Variants in MAPT observed in about 807,000 individuals in gnomAD.
MAPT encodes the protein microtubule associated protein tau.
Under a neutral mutation model 67.9 loss-of-function variants are expected in MAPT, and 34 were observed. That is an observed-to-expected ratio of 0.50 (90% CI 0.38 to 0.67). The LOEUF (loss-of-function observed/expected upper bound fraction) is 0.67. Ranked by LOEUF, MAPT falls within the 30% of genes least tolerant of loss-of-function variation. The pLI is 0.00. For synonymous variants in MAPT, 456 were observed against 464.5 expected, an observed-to-expected ratio of 0.98 and a Z score of 0.23; for missense variants, 881 against 1,115.2, an observed-to-expected ratio of 0.79 and a Z score of 2.99.
intron 1 of MAPT, among the ~76,000 whole-genome samples, chr17:45,911,708 G>A (rs576141311): frequency 1.4e-4 from 21 of 152,252 alleles, no homozygotes; most frequent in African/African-American, 4.1e-4. Context: ...AGGCTGCAGC[G>A]AGCCATGATG....
chr17:45,998,008 G>A (rs925963877), intron 9 of MAPT, among the ~76,000 whole-genome samples: 5 of 152,178 alleles, frequency 3.3e-5, no homozygotes, highest in African/African-American at 1.2e-4. Flanking sequence ...GAGGCTGGGG[G>A]TGAGAAGGAC....
intron 4 of MAPT, chr17:45,979,690 A>G (rs1308166904): frequency 2.0e-5 from 3 of 152,210 alleles, no homozygotes; most frequent in African/African-American, 7.2e-5. Flanking sequence ...CTTTTAGGTC[A>G]TGTTTTTCAG....
chr17:45,985,612 A>G lies in MAPT; in HGVS notation c.1352-1428A>G, dbSNP rs141357033. 360 of 915,836 alleles carry G rather than the reference A, an allele frequency of 3.9e-4. 1 individual carries two copies. The African/African-American group carries it at 5.7e-3, about 14-fold the overall frequency. 56.7% of individuals were successfully genotyped at this position (915,836 alleles called of 1,614,324 possible). On this transcript the variant is annotated intron_variant, in intron 5 of 12. Coordinates refer to ENST00000262410, the MANE Select transcript of MAPT (RefSeq NM_001377265.1). ...CATTGTGACCCTCTGAGAAGGTCAC[A>G]GAGTGGGTTTCCCAAACTTACTTGA... is the stretch of plus-strand genomic sequence containing the variant.
chr17:45,909,204 G>A (rs535710883), intron 1 of MAPT, among the ~76,000 whole-genome samples: 1 of 151,754 alleles, frequency 6.6e-6, no homozygotes, highest in South Asian at 2.1e-4. Context: ...CCCTGTGCCC[G>A]GGGGACAGAT....
intron 1 of MAPT, among the ~76,000 whole-genome samples, chr17:45,935,829 C>T (rs1349568554): frequency 1.3e-5 from 2 of 152,178 alleles, no homozygotes; most frequent in Non-Finnish European, 1.5e-5. Context: ...TCACCTTCTC[C>T]GCAGAGCCTT....
intron 3 of MAPT, 27 bp from the exon 4 acceptor site, chr17:45,978,348 C>G (rs765813198): frequency 3.8e-6 from 6 of 1,583,182 alleles, no homozygotes; most frequent in African/African-American, 1.3e-5. Flanking sequence ...GCTTTTACCC[C>G]CCTTCATTTG....
chr17:45,941,630 C>T (rs2067887675), intron 1 of MAPT, among the ~76,000 whole-genome samples: 1 of 124,284 alleles, frequency 8.0e-6, no homozygotes, highest in African/African-American at 3.1e-5. Context: ...TTCCCTCCTT[C>T]CCTCTTTCCC....
At chr17:45,967,072 CAAG>C (rs956909139) in intron 2 of MAPT, among the ~76,000 whole-genome samples, 15 of 152,112 alleles carry the variant, frequency 9.9e-5, no homozygotes, top group African/African-American at 3.6e-4. Context: ...TGACAGAAGA[CAAG>C]AAACTACACG....
intron 1 of MAPT, among the ~76,000 whole-genome samples, chr17:45,917,719 C>T (rs1158574453): frequency 6.6e-6 from 1 of 151,620 alleles, no homozygotes; most frequent in Non-Finnish European, 1.5e-5. Context: ...CTGCCAGCCC[C>T]TTTGGTCCAT....
At chr17:45,927,860 A>C (rs112439933) in intron 1 of MAPT, among the ~76,000 whole-genome samples, 21,780 of 151,814 alleles carry the variant, frequency 0.14, 2,135 homozygotes, top group Non-Finnish European at 0.22. Context: ...AGTAGCCGGG[A>C]GTGGTGGCAG....
At chr17:45,924,795 T>C (rs1184559318) in intron 1 of MAPT, among the ~76,000 whole-genome samples, 1 of 152,236 alleles carries the variant, frequency 6.6e-6, no homozygotes, top group Non-Finnish European at 1.5e-5. Flanking sequence ...CATGTCTAGC[T>C]GATCAGCAAG....
At chr17:46,008,957 G>A (rs1449538616) in intron 9 of MAPT, among the ~76,000 whole-genome samples, 1 of 152,204 alleles carries the variant, frequency 6.6e-6, no homozygotes, top group Non-Finnish European at 1.5e-5. Flanking sequence ...ATCGGCTTTG[G>A]GAAGCCGAGG....
At chr17:46,002,770 C>A (rs1037915182) in intron 9 of MAPT, among the ~76,000 whole-genome samples, 5 of 152,090 alleles carry the variant, frequency 3.3e-5, no homozygotes, top group Non-Finnish European at 7.4e-5. Context: ...CTGCTTCCTT[C>A]CCTGTGTGTA....
chr17:45,935,823 C>T (rs62061720), intron 1 of MAPT, among the ~76,000 whole-genome samples: 21,822 of 152,220 alleles, frequency 0.14, 2,142 homozygotes, highest in Middle Eastern at 0.22. Context: ...TCAAGTTCAC[C>T]TTCTCCGCAG....
In MAPT at chr17:45,991,486, C is replaced by A. The variant is rs757701420; in HGVS notation, c.1632C>A (p.Ala544=). The change falls in exon 8 of 13, where the codon GCC becomes GCA. Residue 544 remains alanine (A), a synonymous_variant. Coordinates refer to ENST00000262410, the MANE Select transcript of MAPT (RefSeq NM_001377265.1). ...GGGCTGATGGTAAAACGAAGATCGCCACACCGCGGGGAGCAGCCCCTCCAG... is the reference window on the plus strand; with the variant it reads ...GGGCTGATGGTAAAACGAAGATCGCAACACCGCGGGGAGCAGCCCCTCCAG... ...LKGADGKTKI[A]TPRGAAPPGQ... 16 of 1,614,110 alleles carry A rather than the reference C, an allele frequency of 9.9e-6. No individual in the cohort carries two copies. Among genetic ancestry groups the A allele is most frequent in the Non-Finnish European group, 1.4e-5 (16 of 1,180,040 alleles).
Position 45,983,317 on chromosome 17 carries a change from G to C in MAPT, c.738G>C (p.Ser246=), listed in dbSNP as rs776395109. The C allele has an allele frequency of 3.1e-6, 5 of 1,601,384 alleles. No individual in the cohort carries two copies. Among genetic ancestry groups the C allele is most frequent in the Admixed American group, 3.4e-5 (2 of 58,268 alleles). ...CCAGAGAGGCCACACGCCAACCTTCGGGGACAGGACCTGAGGACACAGAGG... is the reference window on the plus strand; with the variant it reads ...CCAGAGAGGCCACACGCCAACCTTCCGGGACAGGACCTGAGGACACAGAGG... ...EGPREATRQP[S]GTGPEDTEGG... Residue 246 remains serine, a synonymous_variant, in exon 5 of 13, where the codon TCG becomes TCC. Coordinates refer to ENST00000262410, the MANE Select transcript of MAPT (RefSeq NM_001377265.1).
At chr17:45,962,177 G>A (rs933333722) in intron 1 of MAPT, 144 bp from the exon 2 acceptor site, 17 of 674,338 alleles carry the variant, frequency 2.5e-5, no homozygotes, top group Non-Finnish European at 4.2e-5. Flanking sequence ...ACGGGATGAG[G>A]ATGGGCGGCC....
chr17:45,965,158 G>A (rs954168123), intron 2 of MAPT, among the ~76,000 whole-genome samples: 3 of 152,122 alleles, frequency 2.0e-5, no homozygotes, highest in East Asian at 2.0e-4. Context: ...TCAGCCGGGC[G>A]CGGTGGCTCA....
At chr17:46,001,732 G>A (rs2075019053) in intron 9 of MAPT, among the ~76,000 whole-genome samples, 1 of 152,170 alleles carries the variant, frequency 6.6e-6, no homozygotes, top group Non-Finnish European at 1.5e-5. Context: ...AACATTTATG[G>A]GGCACTTCTG....
Sources: allele counts gnomAD v4.1 joint callset (sites outside exome capture counted in the v4.1 genomes callset), GRCh38; gene constraint gnomAD v4.1.1; transcripts MANE v1.5; gene names NCBI Gene and HGNC (gene_info 2026-07-23, HGNC 2026-07-21).